Variants in NR1H4 observed in about 807,000 individuals in gnomAD.
NR1H4 encodes the protein bile acid receptor.
Under a neutral mutation model 58.5 loss-of-function variants are expected in NR1H4, and 23 were observed. The ratio of observed to expected loss-of-function variants is 0.39; its 90% CI spans 0.28 to 0.56. The LOEUF is 0.56. Among genes scored for constraint, NR1H4 ranks in the 20% least tolerant of loss-of-function variants. The probability of loss-of-function intolerance (pLI) is 0.58; values close to 1 mark genes in which losing one functional copy is unlikely to be tolerated. For missense variants in NR1H4, 487 were observed against 576.9 expected, an observed-to-expected ratio of 0.84 and a Z score of 1.60; for synonymous variants, 214 against 198.0, an observed-to-expected ratio of 1.08 and a Z score of -0.68.
chr12:100,485,332 G>T (rs141271347), intron 1 of NR1H4, among the ~76,000 whole-genome samples: 16 of 152,210 alleles, frequency 1.1e-4, no homozygotes, highest in African/African-American at 3.9e-4. Flanking sequence ...GGGCAAATCT[G>T]GTCCTTGGCA....
At chr12:100,524,912 GT>G (rs1046631062) in intron 4 of NR1H4, among the ~76,000 whole-genome samples, 7 of 152,174 alleles carry the variant, frequency 4.6e-5, no homozygotes, top group Non-Finnish European at 8.8e-5. Flanking sequence ...AATCTCTGCA[GT>G]TTTGAAGAGG....
intron 3 of NR1H4, among the ~76,000 whole-genome samples, chr12:100,495,750 AC>A (rs979907068): frequency 2.0e-5 from 3 of 151,984 alleles, no homozygotes; most frequent in African/African-American, 4.8e-5. Context: ...CAAAAAAAAA[AC>A]ATACCTGAGC....
chr12:100,474,051 A>C lies in NR1H4; in HGVS notation c.-198A>C, dbSNP rs910743395. The C allele has an allele frequency of 6.6e-6, 1 of 152,152 alleles. No individual in the cohort carries two copies. Among genetic ancestry groups the C allele is most frequent in the African/African-American group, 2.4e-5 (1 of 41,424 alleles). 9.4% of individuals were successfully genotyped at this position (152,152 alleles called of 1,614,324 possible). A position where few individuals can be genotyped will look rare whatever the true frequency, so the allele number is the denominator to read the frequency against. On this transcript the variant is annotated 5_prime_UTR_variant, in exon 1 of 11. Coordinates refer to ENST00000392986, the MANE Select transcript of NR1H4 (RefSeq NM_001206979.2). ...CTTGAAAGTCCATCTCTGACCCAAA[A>C]CAATCCAAGTAAGTACCTAATTCCT...
chr12:100,561,392 C>T (rs1352701369), intron 9 of NR1H4, among the ~76,000 whole-genome samples: 1 of 151,578 alleles, frequency 6.6e-6, no homozygotes, highest in Non-Finnish European at 1.5e-5. Flanking sequence ...AGCGAGACTC[C>T]ATCTCAAAAA....
chr12:100,526,178 G>T (rs1954551617), intron 4 of NR1H4, among the ~76,000 whole-genome samples: 1 of 133,594 alleles, frequency 7.5e-6, no homozygotes. Flanking sequence ...ATTGATCTCT[G>T]CTCTAATTTT....
rs1954093537 is a variant in NR1H4 at position 100,510,844 on chromosome 12, A to T, written c.146A>T (p.Tyr49Phe). 6.2e-7 allele frequency: 1 copy of T among 1,614,024 alleles called. No homozygotes were observed. Among genetic ancestry groups the T allele is most frequent in the Non-Finnish European group, 8.5e-7 (1 of 1,180,028 alleles). Residue 49 changes from tyrosine (Y) to phenylalanine (F), a missense_variant, in exon 4 of 11, where the codon TAC (tyrosine) becomes TTC (phenylalanine). By Grantham distance (22) the Tyr-to-Phe change is conservative. Coordinates refer to ENST00000392986, the MANE Select transcript of NR1H4 (RefSeq NM_001206979.2). ...QNLEVEPYSQ[Y>F]SNVQFPQVQP... The stretch of plus-strand genomic sequence containing the variant: ...CTGGAAGTGGAACCATACTCGCAAT[A>T]CAGCAATGTTCAGTTTCCCCAAGTT...
chr12:100,524,850 G>A (rs529876678), intron 4 of NR1H4, among the ~76,000 whole-genome samples: 2 of 152,040 alleles, frequency 1.3e-5, no homozygotes, highest in East Asian at 3.9e-4. Context: ...AAACATGGAA[G>A]AAAAAAAGAA....
intron 1 of NR1H4, among the ~76,000 whole-genome samples, chr12:100,488,391 C>T (rs1263183259): frequency 1.3e-5 from 2 of 152,080 alleles, no homozygotes; most frequent in African/African-American, 4.8e-5. Context: ...AATGAGCTGC[C>T]CCATTTGTAG....
At chr12:100,517,072 A>T (rs764705178) in intron 4 of NR1H4, among the ~76,000 whole-genome samples, 3 of 152,222 alleles carry the variant, frequency 2.0e-5, no homozygotes, top group Non-Finnish European at 4.4e-5. Flanking sequence ...ATTTTGAAAT[A>T]CACAGTACAT....
At chr12:100,513,801 AAAGGAAGGAAGGAAGGAAGGAAGG>A (rs199813041) in intron 4 of NR1H4, among the ~76,000 whole-genome samples, 3,738 of 115,980 alleles carry the variant, frequency 0.032, 89 homozygotes, top group Admixed American at 0.042. Flanking sequence ...TCAAAGACAG[AAAGGAAGGAAGGAAGGAAGGAAGG>A]AAGGAAGGAA....
rs190681507 is a variant in NR1H4 at position 100,527,663 on chromosome 12, G to A, written c.446-4795G>A. Among the ~76,000 whole-genome samples the A allele has an allele frequency of 3.3e-3, 503 of 152,310 alleles. 4 individuals are homozygous for A. Among genetic ancestry groups the A allele is most frequent in the African/African-American group, 0.011 (477 of 41,570 alleles). ...ACTCAGTCTCCTCTTTGGTAAGAAA[G>A]AGATAATAGTATGTGATGTTCCCCT... On this transcript the variant is annotated intron_variant, in intron 4 of 10. Coordinates refer to ENST00000392986, the MANE Select transcript of NR1H4 (RefSeq NM_001206979.2).
intron 5 of NR1H4, 84 bp downstream of exon 5, chr12:100,532,694 A>G: frequency 2.3e-6 from 3 of 1,279,494 alleles, no homozygotes. Context: ...GTGCTACTTC[A>G]CATATTAAAG....
intron 9 of NR1H4, among the ~76,000 whole-genome samples, chr12:100,542,311 C>T (rs1164500180): frequency 1.3e-5 from 2 of 152,096 alleles, no homozygotes; most frequent in African/African-American, 2.4e-5. Flanking sequence ...CGTGCCACCA[C>T]ACTCCAGCCT....
Position 100,509,516 on chromosome 12 carries a change from C to G in NR1H4, c.80-1262C>G, listed in dbSNP as rs1160557342. Among the ~76,000 whole-genome samples, 5 of 152,044 alleles carry G rather than the reference C, an allele frequency of 3.3e-5. No individual in the cohort carries two copies. The East Asian group carries it at 9.6e-4, about 29-fold the overall frequency. On this transcript the variant is annotated intron_variant, in intron 3 of 10. Transcript: ENST00000392986. ...TAATTTATCGAGCACTTCTGTGTGC[C>G]AAACATTTAGCAAAGCACTTGGCAC...
At chr12:100,507,523 C>T (rs538287353) in intron 3 of NR1H4, among the ~76,000 whole-genome samples, 8 of 151,904 alleles carry the variant, frequency 5.3e-5, no homozygotes, top group Non-Finnish European at 8.8e-5. Flanking sequence ...AGTGCAGTGG[C>T]GCGATCTCGG....
At chr12:100,558,204 C>CAAA (rs569114964) in intron 9 of NR1H4, among the ~76,000 whole-genome samples, 33 of 84,778 alleles carry the variant, frequency 3.9e-4, no homozygotes, top group East Asian at 1.1e-3. Flanking sequence ...ACTAAAAATA[C>CAAA]AAAAAAAAAA....
chr12:100,538,674 A>G (rs973488561), intron 8 of NR1H4, among the ~76,000 whole-genome samples: 1 of 152,240 alleles, frequency 6.6e-6, no homozygotes, highest in African/African-American at 2.4e-5. Flanking sequence ...GCATAATACT[A>G]TAATATTAAA....
chr12:100,528,404 C>T (rs1954614370), intron 4 of NR1H4, among the ~76,000 whole-genome samples: 1 of 151,886 alleles, frequency 6.6e-6, no homozygotes, highest in Non-Finnish European at 1.5e-5. Flanking sequence ...AAGCAGTGTG[C>T]AATATTCTGC....
rs1365957455 is a variant in NR1H4 at position 100,482,188 on chromosome 12, G to A, written c.-190+8129G>A. Among the ~76,000 whole-genome samples the A allele has an allele frequency of 3.3e-5, 5 of 152,130 alleles. No individual in the cohort carries two copies. In the East Asian group the frequency reaches 9.7e-4, roughly 29 times the overall value. On this transcript the variant is annotated intron_variant, in intron 1 of 10. Transcript: ENST00000392986. ...AACTCATGTATAAAATGGTTCCCAT[G>A]GGGAGACTGGAAAGCCTATGCTTAA...
Sources: allele counts gnomAD v4.1 joint callset (sites outside exome capture counted in the v4.1 genomes callset), GRCh38; gene constraint gnomAD v4.1.1; transcripts MANE v1.5; gene names NCBI Gene and HGNC (gene_info 2026-07-23, HGNC 2026-07-21).